Variants in HS3ST4 observed in about 807,000 individuals in gnomAD.
HS3ST4 encodes the protein heparan sulfate glucosamine 3-O-sulfotransferase 4.
Under a neutral mutation model 29.2 loss-of-function variants are expected in HS3ST4, and 17 were observed. The ratio of observed to expected loss-of-function variants is 0.58; its 90% CI spans 0.40 to 0.87. The LOEUF is 0.87. Ranked by LOEUF, HS3ST4 falls within the 40% of genes least tolerant of loss-of-function variation. HS3ST4 has a pLI of 0.00. For missense variants in HS3ST4, 627 were observed against 634.5 expected, an observed-to-expected ratio of 0.99 and a Z score of 0.13; for synonymous variants, 314 against 285.7, an observed-to-expected ratio of 1.10 and a Z score of -1.00.
chr16:25,894,574 C>T (rs538140870), intron 1 of HS3ST4, among the ~76,000 whole-genome samples: 2 of 151,078 alleles, frequency 1.3e-5, no homozygotes, highest in African/African-American at 2.4e-5. Flanking sequence ...GGTGCGATCT[C>T]GGCTCACTGC....
intron 1 of HS3ST4, among the ~76,000 whole-genome samples, chr16:25,756,995 C>T (rs1966762158): frequency 6.6e-6 from 1 of 152,112 alleles, no homozygotes; most frequent in Admixed American, 6.5e-5. Flanking sequence ...GGGAAGGTAC[C>T]TAGCCATGTG....
At chr16:25,748,143 G>A (rs1258164523) in intron 1 of HS3ST4, among the ~76,000 whole-genome samples, 1 of 152,092 alleles carries the variant, frequency 6.6e-6, no homozygotes, top group Non-Finnish European at 1.5e-5. Context: ...GTCTGCAGGG[G>A]AGATGCATTG....
chr16:25,831,975 GCATGTCTGTGGTTC>G (rs1477570973), intron 1 of HS3ST4, among the ~76,000 whole-genome samples: 1 of 152,012 alleles, frequency 6.6e-6, no homozygotes, highest in East Asian at 1.9e-4. Context: ...GTGTGGTGGT[GCATGTCTGTGGTTC>G]CAGCTGCTCG....
chr16:25,777,526 T>C (rs1966848710), intron 1 of HS3ST4, among the ~76,000 whole-genome samples: 2 of 152,014 alleles, frequency 1.3e-5, no homozygotes, highest in Admixed American at 1.3e-4. Flanking sequence ...CCCAGCACTT[T>C]GGGAGGCTGA....
At chr16:25,932,014 T>C (rs527318524) in intron 1 of HS3ST4, among the ~76,000 whole-genome samples, 56 of 152,274 alleles carry the variant, frequency 3.7e-4, no homozygotes, top group African/African-American at 1.3e-3. Flanking sequence ...AGCAAAACTC[T>C]ATATTGAAAG....
At chr16:25,946,499 T>C (rs1187714611) in intron 1 of HS3ST4, among the ~76,000 whole-genome samples, 1 of 152,100 alleles carries the variant, frequency 6.6e-6, no homozygotes, top group East Asian at 1.9e-4. Context: ...TAAGCTATCA[T>C]CCCACAGCAT....
chr16:25,904,802 T>TA (rs1008504939), intron 1 of HS3ST4, among the ~76,000 whole-genome samples: 1 of 152,276 alleles, frequency 6.6e-6, no homozygotes, highest in African/African-American at 2.4e-5. Flanking sequence ...GGCTCATGTA[T>TA]AAAAAAAGTA....
chr16:25,955,750 G>A (rs1334777241), intron 1 of HS3ST4, among the ~76,000 whole-genome samples: 1 of 151,836 alleles, frequency 6.6e-6, no homozygotes, highest in African/African-American at 2.4e-5. Flanking sequence ...GTGTGAGTAA[G>A]ACATGGTTCT....
At chr16:26,084,587 T>G (rs2141784945) in intron 1 of HS3ST4, among the ~76,000 whole-genome samples, 1 of 152,260 alleles carries the variant, frequency 6.6e-6, no homozygotes, top group East Asian at 1.9e-4. Flanking sequence ...AGATCCTTAT[T>G]GTGCCAATCA....
intron 1 of HS3ST4, among the ~76,000 whole-genome samples, chr16:25,901,660 C>T (rs928634481): frequency 4.0e-5 from 6 of 150,076 alleles, no homozygotes; most frequent in Non-Finnish European, 7.4e-5. Context: ...GGTGACAGAG[C>T]GAGACTCTGT....
chr16:26,092,254 TG>T (rs1184427159), intron 1 of HS3ST4, among the ~76,000 whole-genome samples: 2 of 152,144 alleles, frequency 1.3e-5, no homozygotes, highest in African/African-American at 2.4e-5. Flanking sequence ...GGCAAAGAAT[TG>T]GCCAAAATAG....
At chr16:25,804,821 T>C (rs1341937015) in intron 1 of HS3ST4, among the ~76,000 whole-genome samples, 5 of 152,284 alleles carry the variant, frequency 3.3e-5, no homozygotes, top group Non-Finnish European at 7.4e-5. Context: ...GACTATTGTA[T>C]GATGAAACGA....
intron 1 of HS3ST4, among the ~76,000 whole-genome samples, chr16:25,729,378 G>A (rs964913869): frequency 1.3e-5 from 2 of 152,108 alleles, no homozygotes; most frequent in African/African-American, 2.4e-5. Context: ...TGCTATAAAC[G>A]CCACAGCACG....
intron 1 of HS3ST4, among the ~76,000 whole-genome samples, chr16:25,965,667 T>G (rs1461249337): frequency 6.6e-6 from 1 of 152,224 alleles, no homozygotes; most frequent in Non-Finnish European, 1.5e-5. Flanking sequence ...ACACATCTTA[T>G]GAACTGAAAA....
chr16:25,771,036 G>A (rs993063152), intron 1 of HS3ST4, among the ~76,000 whole-genome samples: 4 of 151,808 alleles, frequency 2.6e-5, no homozygotes, highest in Non-Finnish European at 4.4e-5. Flanking sequence ...GGTTTGTTAC[G>A]TAGGTATACA....
chr16:25,787,239 C>G (rs931622321), intron 1 of HS3ST4, among the ~76,000 whole-genome samples: 2 of 152,108 alleles, frequency 1.3e-5, no homozygotes, highest in African/African-American at 4.8e-5. Context: ...AAGAAAAATG[C>G]TGGTTATTTG....
chr16:26,083,782 G>T (rs890127047), intron 1 of HS3ST4, among the ~76,000 whole-genome samples: 5 of 152,114 alleles, frequency 3.3e-5, no homozygotes, highest in African/African-American at 1.2e-4. Context: ...TATCTCACAT[G>T]TGCCCTAAGT....
At chr16:25,891,716 G>T (rs1266352584) in intron 1 of HS3ST4, among the ~76,000 whole-genome samples, 1 of 152,178 alleles carries the variant, frequency 6.6e-6, no homozygotes, top group Admixed American at 6.5e-5. Flanking sequence ...GAAAGCTGTG[G>T]GATGGGAGAT....
intron 1 of HS3ST4, among the ~76,000 whole-genome samples, chr16:26,069,213 A>G (rs1376468508): frequency 6.6e-6 from 1 of 152,188 alleles, no homozygotes; most frequent in East Asian, 1.9e-4. Flanking sequence ...CAGCCTCCCA[A>G]AGTGCTGAAA....
Sources: allele counts gnomAD v4.1 joint callset (sites outside exome capture counted in the v4.1 genomes callset), GRCh38; gene constraint gnomAD v4.1.1; transcripts MANE v1.5; gene names NCBI Gene and HGNC (gene_info 2026-07-23, HGNC 2026-07-21).